The following HECW1 variants were observed in gnomAD, a reference collection of about 807,000 sequenced individuals.
HECW1 encodes the protein E3 ubiquitin-protein ligase HECW1.
HECW1 carries 61 observed loss-of-function variants against 182.3 expected under a neutral mutation model. The observed-to-expected ratio is 0.33, with a 90% CI of 0.27 to 0.41. The LOEUF (loss-of-function observed/expected upper bound fraction) is 0.41, where lower values mean the gene tolerates loss of function less well. HECW1 is among the 10% of genes least tolerant of loss of function. HECW1 has a pLI of 1.00. For synonymous variants in HECW1, 859 were observed against 832.6 expected (o/e 1.03, Z -0.55); for missense variants, 1,739 against 2,108.9 (o/e 0.82, Z 3.44).
intron 3 of HECW1, among the ~76,000 whole-genome samples, chr7:43,257,528 A>G (rs996038431): frequency 6.6e-6 from 1 of 152,072 alleles, no homozygotes. Flanking sequence ...ACTCTGATGG[A>G]GGGGTAGCAG....
At chr7:43,330,229 C>T (rs749763861) in intron 5 of HECW1, among the ~76,000 whole-genome samples, 1 of 152,174 alleles carries the variant, frequency 6.6e-6, no homozygotes, top group African/African-American at 2.4e-5. Flanking sequence ...CACTTCCTCC[C>T]TCCTGGGACA....
rs533094128 is a variant in HECW1 at position 43,149,746 on chromosome 7, T to C, written c.-32+35355T>C. 6.6e-5 allele frequency among the ~76,000 whole-genome samples: 10 copies of C among 152,338 alleles called. No homozygotes were observed. The East Asian group carries it at 1.9e-3, about 29-fold the overall frequency. ...AAGTTAAAATAAAAATATTTACAGATATATTCTTCAAAATTTTTTTCAGAC... is the reference window on the plus strand; with the variant it reads ...AAGTTAAAATAAAAATATTTACAGACATATTCTTCAAAATTTTTTTCAGAC... On this transcript the variant is annotated intron_variant, in intron 2 of 29. Coordinates refer to ENST00000395891, the MANE Select transcript of HECW1 (RefSeq NM_015052.5).
At chr7:43,461,127 C>T (rs2077568069) in intron 13 of HECW1, among the ~76,000 whole-genome samples, 1 of 152,196 alleles carries the variant, frequency 6.6e-6, no homozygotes, top group Non-Finnish European at 1.5e-5. Flanking sequence ...TTCTTCTTAC[C>T]GTTATTTCTC....
intron 2 of HECW1, among the ~76,000 whole-genome samples, chr7:43,200,949 C>T (rs1794971311): frequency 6.6e-6 from 1 of 152,176 alleles, no homozygotes; most frequent in Non-Finnish European, 1.5e-5. Context: ...TCTCATTAAC[C>T]CTTTCTTCAT....
chr7:43,530,007 T>G (rs2080916873), intron 24 of HECW1, among the ~76,000 whole-genome samples: 1 of 151,962 alleles, frequency 6.6e-6, no homozygotes, highest in Non-Finnish European at 1.5e-5. Flanking sequence ...TGGAGTGCAG[T>G]GGTGCAATCT....
chr7:43,165,095 GT>G (rs1444005572), intron 2 of HECW1, among the ~76,000 whole-genome samples: 1 of 152,168 alleles, frequency 6.6e-6, no homozygotes, highest in Non-Finnish European at 1.5e-5. Context: ...GGTTTCAATA[GT>G]AAGGCCTTCT....
chr7:43,134,935 G>A (rs942891116), intron 2 of HECW1, among the ~76,000 whole-genome samples: 1 of 152,096 alleles, frequency 6.6e-6, no homozygotes, highest in Non-Finnish European at 1.5e-5. Context: ...AGAGCATTTT[G>A]CTAAAATGTC....
intron 3 of HECW1, among the ~76,000 whole-genome samples, chr7:43,259,171 A>G (rs148659513): frequency 1.3e-5 from 2 of 152,232 alleles, no homozygotes; most frequent in Non-Finnish European, 2.9e-5. Context: ...GGGATCACCT[A>G]AGGTTAGGAC....
intron 23 of HECW1, 27 bp downstream of exon 23, chr7:43,508,158 C>T: frequency 6.6e-7 from 1 of 1,516,068 alleles, no homozygotes; most frequent in South Asian, 1.1e-5. Context: ...TTTATGCAGA[C>T]ACCTAAGCAA....
chr7:43,275,708 G>GCGCACA (rs1554336998), intron 3 of HECW1, among the ~76,000 whole-genome samples: 1,619 of 146,080 alleles, frequency 0.011, 33 homozygotes, highest in African/African-American at 0.039. Flanking sequence ...TTATGCGCAC[G>GCGCACA]CACACACACA....
intron 24 of HECW1, among the ~76,000 whole-genome samples, chr7:43,540,162 A>C (rs1038767148): frequency 6.6e-6 from 1 of 152,264 alleles, no homozygotes; most frequent in Non-Finnish European, 1.5e-5. Flanking sequence ...ACATCTTTAT[A>C]GCAGCTATAG....
chr7:43,530,282 T>C (rs568450890), intron 24 of HECW1, among the ~76,000 whole-genome samples: 1 of 152,118 alleles, frequency 6.6e-6, no homozygotes, highest in Non-Finnish European at 1.5e-5. Flanking sequence ...ATCGACACTT[T>C]ACTGCAGTAG....
chr7:43,180,633 G>C (rs1038273350), intron 2 of HECW1, among the ~76,000 whole-genome samples: 2 of 152,152 alleles, frequency 1.3e-5, no homozygotes, highest in African/African-American at 4.8e-5. Context: ...CTGACCTCGT[G>C]ATCCACCCGC....
chr7:43,244,043 A>T, intron 3 of HECW1, 111 bp downstream of exon 3: 1 of 852,078 alleles, frequency 1.2e-6, no homozygotes. Context: ...TGCCCAGCCC[A>T]GGAATTATCT....
intron 8 of HECW1, among the ~76,000 whole-genome samples, chr7:43,430,449 A>G (rs2076509976): frequency 6.6e-6 from 1 of 152,208 alleles, no homozygotes; most frequent in African/African-American, 2.4e-5. Context: ...AATCTGGGAG[A>G]CTTCAAACCA....
At chr7:43,155,424 T>C (rs1475997950) in intron 2 of HECW1, among the ~76,000 whole-genome samples, 2 of 152,182 alleles carry the variant, frequency 1.3e-5, no homozygotes, top group African/African-American at 4.8e-5. Context: ...AAGATATTTT[T>C]TGGTTAAAAT....
chr7:43,414,014 G>A (rs995700540), intron 8 of HECW1, among the ~76,000 whole-genome samples: 2 of 150,660 alleles, frequency 1.3e-5, no homozygotes, highest in African/African-American at 4.9e-5. Context: ...AGCTTGATGG[G>A]GATGGCATTG....
intron 3 of HECW1, among the ~76,000 whole-genome samples, chr7:43,274,745 C>G (rs1188478016): frequency 6.6e-6 from 1 of 152,146 alleles, no homozygotes; most frequent in Non-Finnish European, 1.5e-5. Context: ...TTGATACACA[C>G]TTATTGAGCA....
At chr7:43,192,132 G>A (rs111390474) in intron 2 of HECW1, among the ~76,000 whole-genome samples, 24 of 152,086 alleles carry the variant, frequency 1.6e-4, no homozygotes, top group African/African-American at 5.3e-4. Context: ...GCTAATTTTT[G>A]TATTTTTGTA....
Sources: allele counts gnomAD v4.1 joint callset (sites outside exome capture counted in the v4.1 genomes callset), GRCh38; gene constraint gnomAD v4.1.1; transcripts MANE v1.5; gene names NCBI Gene and HGNC (gene_info 2026-07-23, HGNC 2026-07-21).